Variants in ADARB2 observed in about 807,000 individuals in gnomAD.
ADARB2 encodes inactive double-stranded RNA-specific editase B2.
ADARB2 carries 25 observed loss-of-function variants against 62.2 expected under a neutral mutation model. That is an observed-to-expected ratio of 0.40 (90% CI 0.29 to 0.56). The LOEUF (loss-of-function observed/expected upper bound fraction) is 0.56, where lower values mean the gene tolerates loss of function less well. ADARB2 is among the 20% of genes least tolerant of loss of function. The probability of loss-of-function intolerance (pLI) is 0.43; values close to 1 mark genes in which losing one functional copy is unlikely to be tolerated. For missense variants in ADARB2, 1,071 were observed against 1,077.4 expected, an observed-to-expected ratio of 0.99 and a Z score of 0.08; for synonymous variants, 572 against 500.8, an observed-to-expected ratio of 1.14 and a Z score of -1.90.
At chr10:1,685,662 C>T (rs769150027) in intron 1 of ADARB2, among the ~76,000 whole-genome samples, 37 of 152,232 alleles carry the variant, frequency 2.4e-4, no homozygotes, top group Non-Finnish European at 4.9e-4. Flanking sequence ...ACTTTGCATA[C>T]AGCACAAAGT....
intron 1 of ADARB2, among the ~76,000 whole-genome samples, chr10:1,429,136 G>A (rs1186670610): frequency 1.3e-5 from 2 of 152,208 alleles, no homozygotes; most frequent in Non-Finnish European, 2.9e-5. Context: ...ATCATGGAGG[G>A]AAGCCGGGTA....
chr10:1,528,221 C>T (rs983663006), intron 1 of ADARB2, among the ~76,000 whole-genome samples: 70 of 152,318 alleles, frequency 4.6e-4, no homozygotes, highest in African/African-American at 1.7e-3. Context: ...ACAGCAGCTC[C>T]GCGCCTCCTG....
intron 1 of ADARB2, among the ~76,000 whole-genome samples, chr10:1,600,072 C>T (rs1188103493): frequency 6.6e-6 from 1 of 152,130 alleles, no homozygotes; most frequent in Non-Finnish European, 1.5e-5. Context: ...ACAACAATTG[C>T]TTCTACTTTT....
At position 1,527,850 on chromosome 10, in the gene ADARB2, G is replaced by A. The variant is rs1047907401; in HGVS notation, c.101-148690C>T. Among the ~76,000 whole-genome samples, 42 of 152,308 alleles carry A rather than the reference G, an allele frequency of 2.8e-4. 1 individual carries two copies. The highest frequency in any genetic ancestry group is 8.4e-4 in the African/African-American group (35 of 41,568). ...GGAGAGGGGCCCAGCTGCACGGGGA[G>A]AAGCCGATGAGGGATGGGTCTTTGC... On this transcript the variant is annotated intron_variant, in intron 1 of 9. Coordinates refer to ENST00000381312, the MANE Select transcript of ADARB2 (RefSeq NM_018702.4).
At chr10:1,663,647 T>C (rs1245336573) in intron 1 of ADARB2, among the ~76,000 whole-genome samples, 2 of 151,378 alleles carry the variant, frequency 1.3e-5, no homozygotes, top group East Asian at 1.9e-4. Context: ...TGAGACAGAG[T>C]CTCGCTCTGT....
chr10:1,443,395 T>C (rs1296025502), intron 1 of ADARB2, among the ~76,000 whole-genome samples: 1 of 152,226 alleles, frequency 6.6e-6, no homozygotes, highest in Non-Finnish European at 1.5e-5. Context: ...AATTCTTTAA[T>C]GTTAATAATA....
At chr10:1,613,914 G>A (rs1319468254) in intron 1 of ADARB2, among the ~76,000 whole-genome samples, 2 of 152,176 alleles carry the variant, frequency 1.3e-5, no homozygotes, top group Non-Finnish European at 2.9e-5. Context: ...TTACTATAGA[G>A]TACAAAGCTA....
intron 1 of ADARB2, among the ~76,000 whole-genome samples, chr10:1,563,587 G>A (rs1832817166): frequency 6.6e-6 from 1 of 152,104 alleles, no homozygotes; most frequent in South Asian, 2.1e-4. Flanking sequence ...ACTTGAGGAA[G>A]AGAGAGCACT....
At chr10:1,546,782 C>T (rs11250608) in intron 1 of ADARB2, among the ~76,000 whole-genome samples, 48,190 of 152,178 alleles carry the variant, frequency 0.32, 8,571 homozygotes, top group Non-Finnish European at 0.4. Context: ...ACCCATCTCC[C>T]GATAGCCATT....
chr10:1,561,298 T>A (rs1276647920), intron 1 of ADARB2, among the ~76,000 whole-genome samples: 1 of 152,200 alleles, frequency 6.6e-6, no homozygotes, highest in South Asian at 2.1e-4. Flanking sequence ...CTGGATGTCA[T>A]AGACCCAGAC....
rs377169209 is a variant in ADARB2, at chr10:1,453,135, C to T, written c.101-73975G>A. ...TCTTCCCTCCCCCACGTCTGCAAAA[C>T]GTGGCCTTGAAGGAGTTGTATCAGC... is the stretch of plus-strand genomic sequence containing the variant. On this transcript the variant is annotated intron_variant, in intron 1 of 9. Coordinates refer to ENST00000381312, the MANE Select transcript of ADARB2 (RefSeq NM_018702.4). Among the ~76,000 whole-genome samples the T allele has an allele frequency of 1.1e-3, 162 of 152,348 alleles. 3 individuals carry two copies. In the South Asian group the frequency reaches 0.033, roughly 31 times the overall value.
intron 4 of ADARB2, among the ~76,000 whole-genome samples, chr10:1,259,880 G>A (rs961219717): frequency 1.2e-4 from 19 of 152,276 alleles, no homozygotes; most frequent in African/African-American, 3.8e-4. Flanking sequence ...TCCTTGATGA[G>A]CATTGATGCA....
intron 1 of ADARB2, among the ~76,000 whole-genome samples, chr10:1,576,370 G>A (rs570031426): frequency 2.7e-4 from 41 of 149,936 alleles, no homozygotes; most frequent in Admixed American, 1.6e-3. Context: ...GTGGCTTAGG[G>A]TCACAGGAGG....
At chr10:1,695,210 C>G (rs1453061032) in intron 1 of ADARB2, among the ~76,000 whole-genome samples, 1 of 152,154 alleles carries the variant, frequency 6.6e-6, no homozygotes, top group Non-Finnish European at 1.5e-5. Context: ...CACCAGCTGC[C>G]CTGCATGGTG....
At chr10:1,284,964 A>T (rs926820718) in intron 3 of ADARB2, among the ~76,000 whole-genome samples, 1 of 152,114 alleles carries the variant, frequency 6.6e-6, no homozygotes, top group Admixed American at 6.5e-5. Flanking sequence ...CAGATGCCCC[A>T]GCTCCTGCAG....
chr10:1,326,185 A>C (rs981843814), intron 3 of ADARB2, among the ~76,000 whole-genome samples: 4 of 152,218 alleles, frequency 2.6e-5, no homozygotes, highest in African/African-American at 9.6e-5. Context: ...AGAGAACAGG[A>C]AGTCACTATC....
At chr10:1,333,298 A>AATGTGT (rs1831945808) in intron 3 of ADARB2, among the ~76,000 whole-genome samples, 1 of 152,144 alleles carries the variant, frequency 6.6e-6, no homozygotes, top group Admixed American at 6.5e-5. Flanking sequence ...CTGTGGTCTC[A>AATGTGT]ATGTGTGCCA....
rs533233366 is a variant in ADARB2, at chr10:1,611,297, G to A, written c.100+125754C>T. Among the ~76,000 whole-genome samples, 16 of 152,266 alleles carry A rather than the reference G, an allele frequency of 1.1e-4. No individual in the cohort carries two copies. In the East Asian group the frequency reaches 2.5e-3, roughly 24 times the overall value. On this transcript the variant is annotated intron_variant, in intron 1 of 9. Transcript: ENST00000381312. ...GTGTGCCCAAGGCCCATAAATCAGCGTGTGCTGCTGAAATCTGTAATACTC... is the reference window on the plus strand; with the variant it reads ...GTGTGCCCAAGGCCCATAAATCAGCATGTGCTGCTGAAATCTGTAATACTC...
intron 3 of ADARB2, among the ~76,000 whole-genome samples, chr10:1,332,694 T>G (rs1200402139): frequency 1.3e-5 from 2 of 152,188 alleles, no homozygotes; most frequent in Non-Finnish European, 2.9e-5. Flanking sequence ...CCTCCCACTC[T>G]AAGTTGTAAT....
Sources: gnomAD v4.1 joint callset for allele counts (sites outside exome capture counted in the v4.1 genomes callset) on GRCh38, gnomAD v4.1.1 for gene constraint, MANE v1.5 for transcripts, NCBI Gene and HGNC (gene_info 2026-07-23, HGNC 2026-07-21) for gene names.